CECR2: variants seen among roughly 807,000 people sequenced by gnomAD.
The protein encoded by CECR2 is chromatin remodeling regulator CECR2.
CECR2 carries 30 observed loss-of-function variants against 154.5 expected under a neutral mutation model. The ratio of observed to expected loss-of-function variants is 0.19; its 90% CI spans 0.15 to 0.26. The LOEUF (loss-of-function observed/expected upper bound fraction) is 0.26, where lower values mean the gene tolerates loss of function less well. Among genes scored for constraint, CECR2 ranks in the 10% least tolerant of loss-of-function variants. The pLI is 1.00. For synonymous variants in CECR2, 725 were observed against 683.7 expected, an observed-to-expected ratio of 1.06 and a Z score of -0.94; for missense variants, 1,743 against 1,829.3, an observed-to-expected ratio of 0.95 and a Z score of 0.86.
chr22:17,403,775 T>C (rs1310072880), intron 1 of CECR2, among the ~76,000 whole-genome samples: 2 of 152,210 alleles, frequency 1.3e-5, no homozygotes, highest in Non-Finnish European at 2.9e-5. Flanking sequence ...CTGGTTTTGC[T>C]TTTTCCTAAT....
chr22:17,504,475 C>T (rs1372269884), intron 6 of CECR2, among the ~76,000 whole-genome samples: 1 of 151,904 alleles, frequency 6.6e-6, no homozygotes, highest in African/African-American at 2.4e-5. Flanking sequence ...CTCACTCTGT[C>T]GCCCAGGCTG....
At chr22:17,381,473 C>T (rs748495247) in intron 1 of CECR2, among the ~76,000 whole-genome samples, 17 of 152,148 alleles carry the variant, frequency 1.1e-4, no homozygotes, top group East Asian at 5.8e-4. Flanking sequence ...GGATTTTCAT[C>T]GCTTTCAGCA....
rs756604479 is a variant in CECR2, at chr22:17,543,020, C to T, written c.2860+17C>T. On this transcript the variant is annotated intron_variant, in intron 16 of 18. Coordinates refer to ENST00000262608, the MANE Select transcript of CECR2 (RefSeq NM_001290047.2). The stretch of plus-strand genomic sequence containing the variant: ...ATGACCAAGGTAATTTACACTGTCA[C>T]TTTGGGCTCTTTAAGCTCTTGTTTC... 165 of 1,577,662 alleles carry T rather than the reference C, an allele frequency of 1.0e-4. No individual in the cohort carries two copies. The highest frequency in any genetic ancestry group is 1.4e-4 in the Non-Finnish European group (161 of 1,160,756).
In CECR2 at chr22:17,549,784, G is replaced by GTTT. The variant is rs10653895; in HGVS notation, c.4277+239_4277+241dup. ...GCCACCACACCCAGCTAACTTTTTG[G>GTTT]TTTTTTTTTTTTTTTTTTTTTGGTG... On this transcript the variant is annotated intron_variant, in intron 17 of 18. Transcript: ENST00000262608. Among the ~76,000 whole-genome samples, 143 of 135,846 alleles carry GTTT rather than the reference G, an allele frequency of 1.1e-3. 3 individuals are homozygous for GTTT. The highest frequency in any genetic ancestry group is 1.7e-3 in the African/African-American group (61 of 36,548). The allele number at this position is 135,846 out of a possible 152,430, so 89.1% of individuals were successfully genotyped here.
At chr22:17,396,082 TA>T (rs940423027) in intron 1 of CECR2, among the ~76,000 whole-genome samples, 23 of 133,018 alleles carry the variant, frequency 1.7e-4, no homozygotes, top group East Asian at 6.7e-4. Flanking sequence ...TCTACGAAAA[TA>T]AAAAAAAAAA....
chr22:17,488,130 C>A (rs535536807), intron 2 of CECR2, among the ~76,000 whole-genome samples: 3 of 152,112 alleles, frequency 2.0e-5, no homozygotes, highest in Non-Finnish European at 4.4e-5. Context: ...GATCTGCCCC[C>A]CCTTGGCCTC....
chr22:17,419,034 G>A (rs2054198450), intron 1 of CECR2: 1 of 164,432 alleles, frequency 6.1e-6, no homozygotes, highest in South Asian at 1.3e-4. Context: ...AGGGCACCGC[G>A]GAGGCGCCTT....
chr22:17,542,319 C>T lies in CECR2; in HGVS notation c.2176C>T (p.Pro726Ser). ...AAGTCAGGATGGAAGCATGTATGCT[C>T]CAGCTCAGTTCCAGCCAGGATTCAT... is the stretch of plus-strand genomic sequence containing the variant. ...GPSQDGSMYA[P>S]AQFQPGFIPP... Residue 726 changes from proline (P) to serine (S), a missense_variant, in exon 16 of 19, where the codon CCA becomes TCA. Coordinates refer to ENST00000262608, the MANE Select transcript of CECR2 (RefSeq NM_001290047.2). 2 of 1,613,038 alleles carry T rather than the reference C, an allele frequency of 1.2e-6. No individual in the cohort carries two copies. The highest frequency in any genetic ancestry group is 1.7e-6 in the Non-Finnish European group (2 of 1,179,536).
At chr22:17,422,174 G>C (rs2054265660) in intron 1 of CECR2, among the ~76,000 whole-genome samples, 1 of 151,950 alleles carries the variant, frequency 6.6e-6, no homozygotes, top group Non-Finnish European at 1.5e-5. Flanking sequence ...GTTTGAATGT[G>C]ACATGCTTAG....
At chr22:17,498,120 G>A (rs2055664465) in intron 3 of CECR2, among the ~76,000 whole-genome samples, 1 of 152,224 alleles carries the variant, frequency 6.6e-6, no homozygotes, top group South Asian at 2.1e-4. Flanking sequence ...GCCGGGTGCT[G>A]TGGCTCACGC....
chr22:17,392,186 C>T (rs2063332968), intron 1 of CECR2, among the ~76,000 whole-genome samples: 1 of 152,154 alleles, frequency 6.6e-6, no homozygotes, highest in Admixed American at 6.5e-5. Flanking sequence ...CTTTGGGAGG[C>T]TGAGATGGGA....
intron 1 of CECR2, among the ~76,000 whole-genome samples, chr22:17,416,412 C>T (rs1437815692): frequency 1.3e-5 from 2 of 151,924 alleles, no homozygotes; most frequent in Non-Finnish European, 2.9e-5. Context: ...AAATTGCATC[C>T]TCCTCATTAA....
chr22:17,532,798 A>G (rs914554000), intron 9 of CECR2, among the ~76,000 whole-genome samples: 4 of 124,238 alleles, frequency 3.2e-5, no homozygotes, highest in African/African-American at 9.4e-5. Flanking sequence ...GCTCACTGCA[A>G]CTTCCGCCTC....
rs1332505088 is a variant in CECR2, at chr22:17,542,777, C to T, written c.2634C>T (p.Ser878=). Residue 878 remains serine (S), a synonymous_variant, in exon 16 of 19, where the codon TCC becomes TCT. Transcript: ENST00000262608. ...TTCGGGGGGTGCAGGGAGGGGACTCCATGATGGACAGCCCAGAGATGATTG... is the reference window on the plus strand; with the variant it reads ...TTCGGGGGGTGCAGGGAGGGGACTCTATGATGGACAGCCCAGAGATGATTG... ...QALRGVQGGD[S]MMDSPEMIAM... 6.2e-7 allele frequency: 1 copy of T among 1,614,002 alleles called. No individual in the cohort carries two copies. Among genetic ancestry groups the T allele is most frequent in the African/African-American group, 1.3e-5 (1 of 75,040 alleles).
chr22:17,535,067 C>T (rs188477854), intron 9 of CECR2, among the ~76,000 whole-genome samples: 37 of 152,032 alleles, frequency 2.4e-4, no homozygotes, highest in African/African-American at 5.3e-4. Flanking sequence ...AGGAGAATGA[C>T]GTGAACCCAG....
At chr22:17,430,155 C>T (rs939168250) in intron 1 of CECR2, among the ~76,000 whole-genome samples, 13 of 152,164 alleles carry the variant, frequency 8.5e-5, no homozygotes, top group African/African-American at 3.1e-4. Context: ...TGTCTGGCTT[C>T]TGAAATGCTG....
At chr22:17,511,105 G>C (rs569808505) in intron 7 of CECR2, among the ~76,000 whole-genome samples, 1 of 152,278 alleles carries the variant, frequency 6.6e-6, no homozygotes, top group Admixed American at 6.5e-5. Flanking sequence ...GTTATCTTAA[G>C]GGAAGGCCTT....
At chr22:17,429,136 G>A (rs2054380047) in intron 1 of CECR2, among the ~76,000 whole-genome samples, 1 of 152,050 alleles carries the variant, frequency 6.6e-6, no homozygotes, top group Non-Finnish European at 1.5e-5. Flanking sequence ...TGGAATCATG[G>A]GGAGAATGAC....
At chr22:17,379,624 GTT>G (rs1491497866) in intron 1 of CECR2, among the ~76,000 whole-genome samples, 4 of 148,524 alleles carry the variant, frequency 2.7e-5, no homozygotes, top group South Asian at 2.1e-4. Flanking sequence ...GTGTGTGTGT[GTT>G]TGCGATATAT....
Sources: allele counts gnomAD v4.1 joint callset (sites outside exome capture counted in the v4.1 genomes callset), GRCh38; gene constraint gnomAD v4.1.1; transcripts MANE v1.5; gene names NCBI Gene and HGNC (gene_info 2026-07-23, HGNC 2026-07-21).